Variants in MMD2 observed in about 807,000 individuals in gnomAD.
The protein encoded by MMD2 is monocyte to macrophage differentiation factor 2.
A neutral mutation model predicts 33.5 loss-of-function variants in MMD2; 30 were observed. That is an observed-to-expected ratio of 0.90 (90% CI 0.67 to 1.22). The LOEUF is 1.22. Ranked by LOEUF, MMD2 falls within the 50% of genes most tolerant of loss-of-function variation. The pLI is 0.00. For synonymous variants in MMD2, 129 were observed against 123.0 expected, an observed-to-expected ratio of 1.05 and a Z score of -0.32; for missense variants, 364 against 325.4, an observed-to-expected ratio of 1.12 and a Z score of -0.91.
chr7:4,907,645 G>A (rs754635212), intron 6 of MMD2, 46 bp from the exon 7 acceptor site: 16 of 1,598,052 alleles, frequency 1.0e-5, no homozygotes, highest in Non-Finnish European at 1.3e-5. Flanking sequence ...GGGGCAGTCA[G>A]TGTGGCTGAA....
Position 4,907,472 on chromosome 7 carries a change from C to A in MMD2, c.665G>T (p.Gly222Val). The A allele has an allele frequency of 6.2e-7, 1 of 1,613,970 alleles. No individual in the cohort carries two copies. Among genetic ancestry groups the A allele is most frequent in the East Asian group, 2.2e-5 (1 of 44,884 alleles). Residue 222 changes from glycine to valine, a missense_variant, in exon 7 of 7, where the codon GGT (glycine) becomes GTT (valine). Coordinates refer to ENST00000401401, the MANE Select transcript of MMD2 (RefSeq NM_198403.4). Reference sequence around the variant, plus strand: ...GATGGCATAGTAGTGGGTACCAGCACCAAATGCTACAAAGAGATGCCAGAT... The same window carrying A: ...GATGGCATAGTAGTGGGTACCAGCAACAAATGCTACAAAGAGATGCCAGAT... ...HAIWHLFVAF[G>V]AGTHYYAIWR...
intron 1 of MMD2, among the ~76,000 whole-genome samples, chr7:4,952,706 T>G (rs1263180693): frequency 6.7e-6 from 1 of 148,712 alleles, no homozygotes. Flanking sequence ...TTTTTTTTTT[T>G]TTTGAGACAG....
At chr7:4,896,529 G>C in the MMD2 span, among the ~76,000 whole-genome samples, 1 of 152,140 alleles carries the variant, frequency 6.6e-6, no homozygotes, top group African/African-American at 2.4e-5. Flanking sequence ...TTTCCCAGCT[G>C]GGTCCCTAGC....
chr7:4,905,239 AAGGAGAAGG>A (rs1784845828), downstream of MMD2, among the ~76,000 whole-genome samples: 2 of 151,530 alleles, frequency 1.3e-5, no homozygotes, highest in African/African-American at 4.9e-5. The surrounding 1 kb of genome is among the most constrained non-coding windows in gnomAD (Gnocchi z 5.0). Flanking sequence ...AGAAAAGAAG[AAGGAGAAGG>A]AGGAGAAGAG....
At chr7:4,935,293 A>G (rs1044331111) in intron 1 of MMD2, among the ~76,000 whole-genome samples, 2 of 152,260 alleles carry the variant, frequency 1.3e-5, no homozygotes, top group African/African-American at 4.8e-5. Flanking sequence ...TCGACGCTGC[A>G]GTGAGCTATG....
chr7:4,910,006 G>A, intron 5 of MMD2, 56 bp from the exon 6 acceptor site: 1 of 1,613,930 alleles, frequency 6.2e-7, no homozygotes. Flanking sequence ...CGAAGAAACT[G>A]CACACAGCTC....
At chr7:4,938,451 C>T (rs1785812266) in intron 1 of MMD2, among the ~76,000 whole-genome samples, 1 of 152,070 alleles carries the variant, frequency 6.6e-6, no homozygotes, top group Non-Finnish European at 1.5e-5. Flanking sequence ...CCTGTATGTG[C>T]TAACTCGAGT....
At chr7:4,945,243 T>A (rs562861413) in intron 1 of MMD2, among the ~76,000 whole-genome samples, 3 of 144,822 alleles carry the variant, frequency 2.1e-5, no homozygotes, top group Non-Finnish European at 4.5e-5. Context: ...CTTCTTCCTC[T>A]CTCTCTTTCT....
intron 1 of MMD2, among the ~76,000 whole-genome samples, chr7:4,933,505 T>C (rs1293841427): frequency 6.6e-6 from 1 of 151,928 alleles, no homozygotes; most frequent in African/African-American, 2.4e-5. Context: ...CCATCTGGCT[T>C]TGTTGTTGGG....
chr7:4,934,556 A>G (rs1785685912), intron 1 of MMD2, among the ~76,000 whole-genome samples: 1 of 152,232 alleles, frequency 6.6e-6, no homozygotes, highest in Non-Finnish European at 1.5e-5. Context: ...AAAGGAGGGA[A>G]GTGGCCTTTT....
At chr7:4,899,447 A>G in the MMD2 span, among the ~76,000 whole-genome samples, 1 of 151,322 alleles carries the variant, frequency 6.6e-6, no homozygotes, top group Admixed American at 6.6e-5. Context: ...GGAGTGCAGT[A>G]CCATGATCTC....
the MMD2 span, among the ~76,000 whole-genome samples, chr7:4,893,059 A>C: frequency 6.6e-6 from 1 of 152,060 alleles, no homozygotes. Context: ...CATAGATCCC[A>C]TCCTATGCAC....
intron 4 of MMD2, 51 bp downstream of exon 4, chr7:4,915,954 A>G: frequency 6.4e-7 from 1 of 1,564,098 alleles, no homozygotes; most frequent in Non-Finnish European, 8.8e-7. Context: ...AAATTCAAAC[A>G]ATGAAAAGAA....
At chr7:4,916,312 G>A (rs906930244) in intron 3 of MMD2, among the ~76,000 whole-genome samples, 8 of 151,652 alleles carry the variant, frequency 5.3e-5, no homozygotes, top group African/African-American at 1.7e-4. Context: ...ACCTTGCCTC[G>A]GGGGTCCCAC....
At chr7:4,921,779 C>T (rs1405862796) in intron 2 of MMD2, among the ~76,000 whole-genome samples, 7 of 152,078 alleles carry the variant, frequency 4.6e-5, no homozygotes, top group Admixed American at 6.6e-5. Flanking sequence ...GGCTGGGCGC[C>T]GGATGGGGAC....
At chr7:4,953,856 T>G (rs1786316971) in intron 1 of MMD2, among the ~76,000 whole-genome samples, 1 of 152,046 alleles carries the variant, frequency 6.6e-6, no homozygotes, top group Admixed American at 6.6e-5. Context: ...AAATTTACAT[T>G]TTGCCTTTTA....
At chr7:4,957,190 A>G (rs1459330676) in intron 1 of MMD2, among the ~76,000 whole-genome samples, 1 of 150,644 alleles carries the variant, frequency 6.6e-6, no homozygotes, top group Non-Finnish European at 1.5e-5. Context: ...ATATATATAT[A>G]TAAATTATCT....
the MMD2 span, among the ~76,000 whole-genome samples, chr7:4,897,110 T>G: frequency 3.3e-5 from 5 of 151,860 alleles, no homozygotes; most frequent in African/African-American, 1.2e-4. Context: ...TCCCCCTCCT[T>G]AGCACCCCCA....
chr7:4,944,211 G>A (rs1329396421), intron 1 of MMD2, among the ~76,000 whole-genome samples: 1 of 151,708 alleles, frequency 6.6e-6, no homozygotes, highest in Non-Finnish European at 1.5e-5. Context: ...GGAGTTCGAG[G>A]CTGCAGTGAG....
Sources: allele counts gnomAD v4.1 joint callset (sites outside exome capture counted in the v4.1 genomes callset), GRCh38; gene constraint gnomAD v4.1.1; non-coding constraint Gnocchi (gnomAD v3.1); transcripts MANE v1.5; gene names NCBI Gene and HGNC (gene_info 2026-07-23, HGNC 2026-07-21).